COBL: variants seen among roughly 807,000 people sequenced by gnomAD.
The protein encoded by COBL is protein cordon-bleu.
COBL carries 51 observed loss-of-function variants against 98.8 expected under a neutral mutation model. The ratio of observed to expected loss-of-function variants is 0.52; its 90% CI spans 0.41 to 0.65. The LOEUF (loss-of-function observed/expected upper bound fraction) is 0.65. Among genes scored for constraint, COBL ranks in the 30% least tolerant of loss-of-function variants. The probability of loss-of-function intolerance (pLI) is 0.00; values close to 1 mark genes in which losing one functional copy is unlikely to be tolerated. For synonymous variants in COBL, 634 were observed against 651.7 expected (o/e 0.97, Z 0.41); for missense variants, 1,617 against 1,617.5 (o/e 1.00, Z 0.01).
chr7:51,172,537 C>T lies in COBL; in HGVS notation c.783+11565G>A, dbSNP rs573042944. ...ACAGCACGAGCTGCTCAGCCTGGAA[C>T]ACAAGCACCAGGCCACATCATCTCC... On this transcript the variant is annotated intron_variant, in intron 5 of 12. Coordinates refer to ENST00000265136, the MANE Select transcript of COBL (RefSeq NM_015198.5). The T allele has an allele frequency of 4.7e-6, 6 of 1,286,202 alleles. No individual in the cohort carries two copies. In the South Asian group the frequency reaches 5.0e-5, roughly 11 times the overall value. The allele number at this position is 1,286,202 out of a possible 1,614,324, so 79.7% of individuals were successfully genotyped here. A position where few individuals can be genotyped will look rare whatever the true frequency, so the allele number is the denominator to read the frequency against.
At chr7:51,083,779 T>A (rs1277985560) in intron 7 of COBL, among the ~76,000 whole-genome samples, 1 of 152,094 alleles carries the variant, frequency 6.6e-6, no homozygotes, top group Non-Finnish European at 1.5e-5. Flanking sequence ...ATGTCCTGAG[T>A]TGTAGAGAGG....
chr7:51,083,026 A>G, intron 7 of COBL: 1 of 1,533,290 alleles, frequency 6.5e-7, no homozygotes, highest in Non-Finnish European at 8.7e-7. Flanking sequence ...ATGAACAGTT[A>G]ACACAGTCGG....
chr7:51,284,284 G>T (rs1800101264), intron 1 of COBL, among the ~76,000 whole-genome samples: 1 of 150,342 alleles, frequency 6.7e-6, no homozygotes, highest in African/African-American at 2.5e-5. Flanking sequence ...CTGGGCAACA[G>T]AGCAAGACTC....
intron 7 of COBL, among the ~76,000 whole-genome samples, chr7:51,069,680 T>C (rs1398189948): frequency 6.6e-6 from 1 of 152,262 alleles, no homozygotes; most frequent in African/African-American, 2.4e-5. Flanking sequence ...ATTTCCATCC[T>C]GTGGTTGATG....
chr7:51,253,545 T>C (rs560268337), intron 1 of COBL, among the ~76,000 whole-genome samples: 1 of 152,362 alleles, frequency 6.6e-6, no homozygotes, highest in East Asian at 1.9e-4. Context: ...CATTGCTATT[T>C]ATTTTGTATT....
intron 5 of COBL, among the ~76,000 whole-genome samples, chr7:51,173,987 C>T (rs1788122578): frequency 1.3e-5 from 2 of 152,056 alleles, no homozygotes; most frequent in Admixed American, 6.6e-5. Flanking sequence ...AAAGAGTCAC[C>T]TTAAGTTTTA....
intron 1 of COBL, among the ~76,000 whole-genome samples, chr7:51,264,085 C>T (rs1333733705): frequency 2.0e-5 from 3 of 152,182 alleles, no homozygotes; most frequent in African/African-American, 4.8e-5. Context: ...AGCCAGGACG[C>T]CGGCCCAGGT....
intron 2 of COBL, among the ~76,000 whole-genome samples, chr7:51,209,062 A>AC (rs1307520942): frequency 3.7e-5 from 5 of 136,698 alleles, no homozygotes; most frequent in South Asian, 2.4e-4. Context: ...AAAAAAAAAA[A>AC]AAAAAAAAAA....
At chr7:51,229,408 T>G (rs902595247) in intron 1 of COBL, among the ~76,000 whole-genome samples, 1 of 151,542 alleles carries the variant, frequency 6.6e-6, no homozygotes, top group African/African-American at 2.4e-5. Context: ...ACCGCGAGAG[T>G]TGTGAGGGAG....
chr7:51,028,698 T>C lies in COBL; in HGVS notation c.2398A>G (p.Thr800Ala), dbSNP rs1370107699. Residue 800 changes from threonine to alanine, a missense_variant, in exon 10 of 13, where the codon ACG becomes GCG. Physicochemically the swap from Thr to Ala is moderately conservative, Grantham distance 58 (BLOSUM62 0). Around this residue, in one of 3 missense-constraint regions of COBL, gnomAD observed 1,304 missense variants for 1,282.0 expected, o/e 1.02. Transcript: ENST00000265136. ...TGGAGTCTGCTCTCTGGATTCTGCGTCTGCGTGGGCACAGGGGTGGAGGGG... is the reference window on the plus strand; with the variant it reads ...TGGAGTCTGCTCTCTGGATTCTGCGCCTGCGTGGGCACAGGGGTGGAGGGG... Reference protein sequence around the residue: ...GPPSTPVPTQTQNPESRLQAD... With the variant: ...GPPSTPVPTQAQNPESRLQAD... 2 of 1,613,632 alleles carry C rather than the reference T, an allele frequency of 1.2e-6. No individual in the cohort carries two copies. The highest frequency in any genetic ancestry group is 1.7e-6 in the Non-Finnish European group (2 of 1,179,754).
intron 2 of COBL, among the ~76,000 whole-genome samples, chr7:51,206,353 G>A (rs146845256): frequency 0.031 from 4,731 of 152,032 alleles, 213 homozygotes; most frequent in South Asian, 0.15. Flanking sequence ...TTAGCCAGGC[G>A]TGGTGGCACA....
At chr7:51,036,157 C>A (rs766187898) in intron 8 of COBL, among the ~76,000 whole-genome samples, 3 of 152,046 alleles carry the variant, frequency 2.0e-5, no homozygotes, top group Non-Finnish European at 2.9e-5. Context: ...GCCTGGCCAA[C>A]AGGGCGAAAC....
intron 8 of COBL, chr7:51,035,788 T>G (rs967485997): frequency 6.6e-6 from 1 of 152,212 alleles, no homozygotes; most frequent in African/African-American, 2.4e-5. Flanking sequence ...GACCAGACAC[T>G]TGGCAAGCGC....
intron 2 of COBL, among the ~76,000 whole-genome samples, chr7:51,213,132 G>A (rs1792620217): frequency 6.6e-6 from 1 of 152,196 alleles, no homozygotes. Flanking sequence ...CCTAAGCTCT[G>A]GATGAGGCAG....
At chr7:51,265,731 T>C (rs1210736038) in intron 1 of COBL, among the ~76,000 whole-genome samples, 2 of 152,190 alleles carry the variant, frequency 1.3e-5, no homozygotes, top group African/African-American at 4.8e-5. Context: ...CCTGTTCCTC[T>C]GCAACCCTCC....
At chr7:51,212,052 C>T (rs1371340749) in intron 2 of COBL, among the ~76,000 whole-genome samples, 1 of 152,150 alleles carries the variant, frequency 6.6e-6, no homozygotes, top group Admixed American at 6.5e-5. Context: ...TCCTCCGCGA[C>T]ATCATTTTTA....
intron 7 of COBL, among the ~76,000 whole-genome samples, chr7:51,048,712 TAAGC>T (rs376215884): frequency 1.1e-4 from 16 of 152,312 alleles, no homozygotes; most frequent in African/African-American, 3.8e-4. Context: ...TCCCTCACCA[TAAGC>T]AAGTTGTATT....
At chr7:51,033,901 C>T (rs956310982) in intron 8 of COBL, 1 of 152,274 alleles carries the variant, frequency 6.6e-6, no homozygotes, top group Non-Finnish European at 1.5e-5. Flanking sequence ...CAGTCTCAGC[C>T]CTTCAACACC....
chr7:51,047,970 C>T (rs1789879790), intron 7 of COBL, among the ~76,000 whole-genome samples: 1 of 152,092 alleles, frequency 6.6e-6, no homozygotes, highest in South Asian at 2.1e-4. Context: ...AGTTCGAGAC[C>T]AGCGTGGCCA....
Sources: allele counts gnomAD v4.1 joint callset (sites outside exome capture counted in the v4.1 genomes callset), GRCh38; gene constraint gnomAD v4.1.1; regional missense constraint gnomAD v4.1.1; transcripts MANE v1.5; gene names NCBI Gene and HGNC (gene_info 2026-07-23, HGNC 2026-07-21).